The following UGT1A3 variants were observed in gnomAD, a reference collection of about 807,000 sequenced individuals.
The protein encoded by UGT1A3 is UDP-glucuronosyltransferase 1A3.
A neutral mutation model predicts 41.0 loss-of-function variants in UGT1A3; 31 were observed. That is an observed-to-expected ratio of 0.76 (90% CI 0.57 to 1.02). The LOEUF (loss-of-function observed/expected upper bound fraction) is 1.02. Among genes scored for constraint, UGT1A3 ranks in the 50% least tolerant of loss-of-function variants. UGT1A3 has a pLI of 0.00. For synonymous variants in UGT1A3, 262 were observed against 257.6 expected, an observed-to-expected ratio of 1.02 and a Z score of -0.17; for missense variants, 737 against 671.0, an observed-to-expected ratio of 1.10 and a Z score of -1.09.
chr2:233,755,153 C>T, intron 1 of UGT1A3: 10 of 1,299,120 alleles, frequency 7.7e-6, no homozygotes, highest in Non-Finnish European at 1.0e-5. Flanking sequence ...CCGCTTCCTC[C>T]CTGTCCTCGG....
chr2:233,755,387 G>A lies in UGT1A3; in HGVS notation c.868-11647G>A, dbSNP rs28900392. On this transcript the variant is annotated intron_variant, in intron 1 of 4. Transcript: ENST00000482026. Reference sequence around the variant, plus strand: ...CGCCTGGAGGGCCGCCCCTTATGACGCAGCCACATCTCATTGGCCGAGGCC... The same window carrying A: ...CGCCTGGAGGGCCGCCCCTTATGACACAGCCACATCTCATTGGCCGAGGCC... 908 of 345,012 alleles carry A rather than the reference G, an allele frequency of 2.6e-3. 4 individuals are homozygous for A. Among genetic ancestry groups the A allele is most frequent in the African/African-American group, 0.018 (852 of 46,552 alleles). The allele number at this position is 345,012 out of a possible 1,614,324, so 21.4% of individuals were successfully genotyped here.
At chr2:233,761,234 G>A in intron 1 of UGT1A3, 1 of 1,612,826 alleles carries the variant, frequency 6.2e-7, no homozygotes, top group Non-Finnish European at 8.5e-7. Flanking sequence ...CCAGATATAT[G>A]CTGAGCAAGC....
intron 1 of UGT1A3, among the ~76,000 whole-genome samples, chr2:233,762,294 C>T (rs867302636): frequency 2.0e-5 from 3 of 152,346 alleles, no homozygotes; most frequent in Middle Eastern, 3.4e-3. Flanking sequence ...AAGGTGCCAA[C>T]CGAGGTCTAG....
chr2:233,755,210 C>A, intron 1 of UGT1A3: 1 of 1,056,306 alleles, frequency 9.5e-7, no homozygotes, highest in Non-Finnish European at 1.4e-6. Flanking sequence ...GGTACGCCTT[C>A]TTGATACCCT....
At chr2:233,743,265 C>T (rs1186542660) in intron 1 of UGT1A3, 3 of 455,180 alleles carry the variant, frequency 6.6e-6, no homozygotes, top group Admixed American at 3.0e-5. Flanking sequence ...CATCTTCCTC[C>T]ACTTCCACCC....
Position 233,773,101 on chromosome 2 carries a change from T to A in UGT1A3, c.*542T>A, listed in dbSNP as rs1321886255. On this transcript the variant is annotated 3_prime_UTR_variant, in exon 5 of 5. Coordinates refer to ENST00000482026, the MANE Select transcript of UGT1A3 (RefSeq NM_019093.4). ...GGCTTGGAGTGCACTGAGAACAGCA[T>A]ATGATTTCTTGCTTTGGGGAAAAAG... is the stretch of plus-strand genomic sequence containing the variant. The A allele has an allele frequency of 6.4e-6, 1 of 156,412 alleles. No homozygotes were observed. The highest frequency in any genetic ancestry group is 2.4e-5 in the African/African-American group (1 of 41,460). The allele number at this position is 156,412 out of a possible 1,614,324, so 9.7% of individuals were successfully genotyped here.
At chr2:233,733,916 G>A (rs1485118411) in intron 1 of UGT1A3, among the ~76,000 whole-genome samples, 2 of 151,970 alleles carry the variant, frequency 1.3e-5, no homozygotes, top group South Asian at 2.1e-4. Context: ...GGTAGAATTC[G>A]GCTGTGAGGA....
At chr2:233,747,106 C>T (rs1693563001) in intron 1 of UGT1A3, 1 of 1,377,620 alleles carries the variant, frequency 7.3e-7, no homozygotes, top group African/African-American at 1.5e-5. Context: ...CTTCCAATTA[C>T]ATGATGATTT....
chr2:233,750,657 G>A (rs1694532021), intron 1 of UGT1A3: 1 of 143,480 alleles, frequency 7.0e-6, no homozygotes, highest in Admixed American at 6.7e-5. Flanking sequence ...TCAGGACTTG[G>A]TGCCCTGTGT....
intron 1 of UGT1A3, among the ~76,000 whole-genome samples, chr2:233,744,523 C>A (rs2125863777): frequency 6.6e-6 from 1 of 152,020 alleles, no homozygotes; most frequent in Non-Finnish European, 1.5e-5. Context: ...AATAGCAAAT[C>A]TTATTTTTAT....
At chr2:233,771,176 C>T (rs887864017) in intron 4 of UGT1A3, 17 of 152,256 alleles carry the variant, frequency 1.1e-4, no homozygotes, top group African/African-American at 3.6e-4. Context: ...CTGGGGATTA[C>T]AATTCAACAT....
At position 233,769,700 on chromosome 2, in the gene UGT1A3, T is replaced by A; in HGVS notation, c.1307+1261T>A. The A allele has an allele frequency of 3.3e-6, 5 of 1,527,942 alleles. No homozygotes were observed. The highest frequency in any genetic ancestry group is 4.4e-6 in the Non-Finnish European group (5 of 1,136,410). 94.6% of individuals were successfully genotyped at this position (1,527,942 alleles called of 1,614,324 possible). On this transcript the variant is annotated intron_variant, in intron 4 of 4. Transcript: ENST00000482026. This position sits in a 1 kb window ranked among gnomAD's most constrained non-coding sequence, Gnocchi z 4.4. Reference sequence around the variant, plus strand: ...GTGTGTGGTGGCACTGGATAAAAGATCAATGTTGGCTAGGCACCATGGCAC... The same window carrying A: ...GTGTGTGGTGGCACTGGATAAAAGAACAATGTTGGCTAGGCACCATGGCAC...
chr2:233,743,907 A>G, intron 1 of UGT1A3: 2 of 1,366,260 alleles, frequency 1.5e-6, no homozygotes, highest in Non-Finnish European at 2.0e-6. Flanking sequence ...ACCTCGTAGT[A>G]GTCCACCATG....
intron 1 of UGT1A3, chr2:233,740,667 G>T (rs567869462): frequency 6.6e-6 from 1 of 151,914 alleles, no homozygotes; most frequent in East Asian, 1.9e-4. Flanking sequence ...AGAAGGTACA[G>T]GTGTTTCCAT....
chr2:233,746,165 A>G (rs530256545), intron 1 of UGT1A3, among the ~76,000 whole-genome samples: 2 of 151,990 alleles, frequency 1.3e-5, no homozygotes, highest in South Asian at 4.2e-4. Context: ...CAAAGCCAAA[A>G]TCTTGCCTGT....
chr2:233,739,606 T>C (rs1247798454), intron 1 of UGT1A3, among the ~76,000 whole-genome samples: 1 of 152,250 alleles, frequency 6.6e-6, no homozygotes, highest in African/African-American at 2.4e-5. Flanking sequence ...CCCTTTGTTT[T>C]GGCCAGTTTC....
At chr2:233,770,801 A>C (rs1025526475) in intron 4 of UGT1A3, 2 of 152,250 alleles carry the variant, frequency 1.3e-5, no homozygotes, top group African/African-American at 4.8e-5. Flanking sequence ...ATATGTTTAA[A>C]GACAGTGTAT....
chr2:233,739,050 C>G (rs958760691), intron 1 of UGT1A3: 3 of 152,246 alleles, frequency 2.0e-5, no homozygotes, highest in African/African-American at 7.2e-5. Flanking sequence ...AGAGCTCAGG[C>G]CATTGCTTCA....
At chr2:233,736,318 T>G (rs1275483454) in intron 1 of UGT1A3, among the ~76,000 whole-genome samples, 1 of 152,256 alleles carries the variant, frequency 6.6e-6, no homozygotes, top group Non-Finnish European at 1.5e-5. Flanking sequence ...TTGAATTTTG[T>G]GCATGTGTTA....
Sources: allele counts gnomAD v4.1 joint callset (sites outside exome capture counted in the v4.1 genomes callset), GRCh38; gene constraint gnomAD v4.1.1; non-coding constraint Gnocchi (gnomAD v3.1); transcripts MANE v1.5; gene names NCBI Gene and HGNC (gene_info 2026-07-23, HGNC 2026-07-21).